The following LSAMP variants were observed in gnomAD, a reference collection of about 807,000 sequenced individuals.
The protein encoded by LSAMP is limbic system-associated membrane protein.
Under a neutral mutation model 38.6 loss-of-function variants are expected in LSAMP, and 7 were observed. That is an observed-to-expected ratio of 0.18 (90% confidence interval 0.10 to 0.34). The LOEUF is 0.34. Among genes scored for constraint, LSAMP ranks in the 10% least tolerant of loss-of-function variants. LSAMP has a pLI of 1.00. For missense variants in LSAMP, 313 were observed against 420.0 expected (o/e 0.75, Z 2.23); for synonymous variants, 154 against 166.8 (o/e 0.92, Z 0.59).
intron 1 of LSAMP, among the ~76,000 whole-genome samples, chr3:116,440,126 C>T (rs1224308803): frequency 6.6e-6 from 1 of 152,200 alleles, no homozygotes; most frequent in Non-Finnish European, 1.5e-5. Flanking sequence ...CCCAGATCTT[C>T]TGAGTCGTAC....
At chr3:116,139,635 T>A (rs1920372) in intron 1 of LSAMP, among the ~76,000 whole-genome samples, 147,242 of 152,056 alleles carry the variant, frequency 0.97, 71,468 homozygotes, top group East Asian at 1. Flanking sequence ...TGCCTAAGTC[T>A]TTCATCGTCA....
At chr3:116,014,083 G>C (rs916591873) in intron 3 of LSAMP, among the ~76,000 whole-genome samples, 1 of 152,136 alleles carries the variant, frequency 6.6e-6, no homozygotes. Context: ...CAGATGTCCT[G>C]ACTTATGGTG....
chr3:116,185,034 T>C (rs200949552), intron 1 of LSAMP, among the ~76,000 whole-genome samples: 14 of 148,606 alleles, frequency 9.4e-5, no homozygotes, highest in South Asian at 2.1e-4. Flanking sequence ...TTCTTTCTTT[T>C]TTTTTTTTTT....
intron 3 of LSAMP, among the ~76,000 whole-genome samples, chr3:115,985,385 C>A (rs1939481458): frequency 6.6e-6 from 1 of 152,060 alleles, no homozygotes; most frequent in South Asian, 2.1e-4. Context: ...AAATTGTCAC[C>A]TCTATTAACT....
chr3:116,121,326 C>T (rs1708870586), intron 1 of LSAMP, among the ~76,000 whole-genome samples: 2 of 152,138 alleles, frequency 1.3e-5, no homozygotes, highest in Admixed American at 1.3e-4. Flanking sequence ...AAAATACAAC[C>T]ATGAACTTCA....
intron 3 of LSAMP, among the ~76,000 whole-genome samples, chr3:115,942,750 A>G (rs144810189): frequency 2.0e-5 from 3 of 152,302 alleles, no homozygotes; most frequent in African/African-American, 7.2e-5. Context: ...CGTATTTTTA[A>G]AGCTTGCCAG....
intron 1 of LSAMP, among the ~76,000 whole-genome samples, chr3:116,401,633 T>A (rs2048842858): frequency 6.6e-6 from 1 of 152,194 alleles, no homozygotes; most frequent in Non-Finnish European, 1.5e-5. Context: ...TCAAGTGTAA[T>A]CTTCTCTTTC....
intron 3 of LSAMP, among the ~76,000 whole-genome samples, chr3:115,879,654 G>A (rs919476582): frequency 6.6e-5 from 10 of 152,144 alleles, no homozygotes; most frequent in Admixed American, 5.9e-4. Flanking sequence ...TCACAGTTGA[G>A]TGACAATTTT....
At chr3:116,275,180 A>G (rs1477458167) in intron 1 of LSAMP, among the ~76,000 whole-genome samples, 2 of 152,080 alleles carry the variant, frequency 1.3e-5, no homozygotes, top group Non-Finnish European at 2.9e-5. Context: ...AGCCTCCTGC[A>G]TAGCGGAGAC....
At chr3:116,272,797 T>G (rs965788120) in intron 1 of LSAMP, among the ~76,000 whole-genome samples, 7 of 152,184 alleles carry the variant, frequency 4.6e-5, no homozygotes, top group Non-Finnish European at 1.0e-4. Flanking sequence ...GACTATTCTA[T>G]TAACATGATT....
At chr3:116,160,216 A>G (rs1363838870) in intron 1 of LSAMP, among the ~76,000 whole-genome samples, 2 of 152,198 alleles carry the variant, frequency 1.3e-5, no homozygotes, top group Non-Finnish European at 2.9e-5. Flanking sequence ...TCTGACCAAC[A>G]TGGTGAAACC....
chr3:116,249,072 C>A (rs1276697149), intron 1 of LSAMP, among the ~76,000 whole-genome samples: 1 of 150,776 alleles, frequency 6.6e-6, no homozygotes, highest in Non-Finnish European at 1.5e-5. Flanking sequence ...TGGCGTGAAC[C>A]CAGGAGGTGG....
chr3:115,878,839 A>G (rs1221084289), intron 3 of LSAMP, among the ~76,000 whole-genome samples: 2 of 152,148 alleles, frequency 1.3e-5, no homozygotes, highest in East Asian at 1.9e-4. Context: ...TCCAGGAGTT[A>G]GAATTACTTG....
At chr3:116,354,887 G>C (rs2048201037) in intron 1 of LSAMP, among the ~76,000 whole-genome samples, 1 of 150,786 alleles carries the variant, frequency 6.6e-6, no homozygotes, top group African/African-American at 2.4e-5. Context: ...GTGCATGTGT[G>C]TTATATTTTC....
At chr3:116,110,001 T>A (rs1165291894) in intron 1 of LSAMP, among the ~76,000 whole-genome samples, 5 of 133,314 alleles carry the variant, frequency 3.8e-5, no homozygotes, top group Non-Finnish European at 8.1e-5. Flanking sequence ...AGATAAGAGG[T>A]AGGGGTGAGG....
chr3:116,114,831 C>T (rs1270485642), intron 1 of LSAMP, among the ~76,000 whole-genome samples: 1 of 152,184 alleles, frequency 6.6e-6, no homozygotes, highest in Admixed American at 6.5e-5. Context: ...TTTCACATTC[C>T]TTATCTATTT....
intron 3 of LSAMP, among the ~76,000 whole-genome samples, chr3:115,854,309 G>A (rs1935437423): frequency 7.9e-6 from 1 of 125,936 alleles, no homozygotes; most frequent in Non-Finnish European, 1.6e-5. Context: ...TTGAGATGGA[G>A]TCCCGCTCTT....
At chr3:115,952,471 A>G (rs984704717) in intron 3 of LSAMP, among the ~76,000 whole-genome samples, 1 of 152,184 alleles carries the variant, frequency 6.6e-6, no homozygotes, top group Non-Finnish European at 1.5e-5. Flanking sequence ...TCAGGAATGG[A>G]AAACCAAATA....
intron 1 of LSAMP, among the ~76,000 whole-genome samples, chr3:116,222,694 C>CTTTTTT (rs2046301054): frequency 9.4e-6 from 1 of 106,416 alleles, no homozygotes; most frequent in African/African-American, 4.0e-5. Flanking sequence ...GTCTGCTGCT[C>CTTTTTT]TTTTTTGCTC....
Sources: gnomAD v4.1 joint callset for allele counts (sites outside exome capture counted in the v4.1 genomes callset) on GRCh38, gnomAD v4.1.1 for gene constraint, MANE v1.5 for transcripts, NCBI Gene and HGNC (gene_info 2026-07-23, HGNC 2026-07-21) for gene names.